Variants in PPM1L observed in about 807,000 individuals in gnomAD.
PPM1L encodes the protein protein phosphatase, Mg2+/Mn2+ dependent 1L.
PPM1L carries 13 observed loss-of-function variants against 31.4 expected under a neutral mutation model. The ratio of observed to expected loss-of-function variants is 0.41; its 90% CI spans 0.27 to 0.66. The LOEUF (loss-of-function observed/expected upper bound fraction) is 0.66. Among genes scored for constraint, PPM1L ranks in the 30% least tolerant of loss-of-function variants. The pLI is 0.29. For synonymous variants in PPM1L, 184 were observed against 175.4 expected (o/e 1.05, Z -0.39); for missense variants, 326 against 453.7 (o/e 0.72, Z 2.56).
intron 1 of PPM1L, among the ~76,000 whole-genome samples, chr3:160,870,077 G>C (rs972972553): frequency 6.6e-6 from 1 of 152,150 alleles, no homozygotes; most frequent in African/African-American, 2.4e-5. Flanking sequence ...GCCAGCACCT[G>C]CCACTTTCCC....
rs1215180484 is a variant in PPM1L at position 161,071,822 on chromosome 3, T to G, written c.*2665T>G. The G allele has an allele frequency of 6.6e-6, 1 of 152,238 alleles. No homozygotes were observed. Among genetic ancestry groups the G allele is most frequent in the Non-Finnish European group, 1.5e-5 (1 of 68,056 alleles). The allele number at this position is 152,238 out of a possible 1,614,324, so 9.4% of individuals were successfully genotyped here. A position where few individuals can be genotyped will look rare whatever the true frequency, so the allele number is the denominator to read the frequency against. ...CTGCTCCCCAGGGACCTGGGAATGCTGAATCTAGCCATTAGGGAAATTGAT... is the reference window on the plus strand; with the variant it reads ...CTGCTCCCCAGGGACCTGGGAATGCGGAATCTAGCCATTAGGGAAATTGAT... On this transcript the variant is annotated 3_prime_UTR_variant, in exon 4 of 4. Transcript: ENST00000498165.
chr3:160,961,783 G>A lies in PPM1L; in HGVS notation c.447G>A (p.Gln149=). Residue 149 remains glutamine (Q), a synonymous_variant, in exon 2 of 4, where the codon CAG becomes CAA. Transcript: ENST00000498165. ...VKSRLPEALK[Q]HLQDYEKDKE... is the part of the protein sequence containing the mutation. The stretch of plus-strand genomic sequence containing the variant: ...CTCGACTCCCAGAGGCCCTTAAACA[G>A]CATCTTCAGGACTACGAGAAAGACA... 6.2e-7 allele frequency: 1 copy of A among 1,601,930 alleles called. No individual in the cohort carries two copies. The highest frequency in any genetic ancestry group is 8.5e-7 in the Non-Finnish European group (1 of 1,175,144).
intron 1 of PPM1L, among the ~76,000 whole-genome samples, chr3:160,800,020 A>T (rs1266303315): frequency 6.6e-6 from 1 of 152,214 alleles, no homozygotes; most frequent in Non-Finnish European, 1.5e-5. Context: ...TAGTCAATAA[A>T]CATTTGTTAA....
intron 2 of PPM1L, among the ~76,000 whole-genome samples, chr3:161,063,988 G>C (rs1719651087): frequency 6.6e-6 from 1 of 152,036 alleles, no homozygotes; most frequent in African/African-American, 2.4e-5. Flanking sequence ...ATGGGCACAG[G>C]GAGGGGAACA....
At chr3:161,007,622 C>T (rs1717756072) in intron 2 of PPM1L, among the ~76,000 whole-genome samples, 1 of 152,202 alleles carries the variant, frequency 6.6e-6, no homozygotes, top group African/African-American at 2.4e-5. Context: ...CGTAAACTTT[C>T]TTAAAATATT....
At chr3:160,867,358 C>T (rs1333372082) in intron 1 of PPM1L, among the ~76,000 whole-genome samples, 2 of 115,002 alleles carry the variant, frequency 1.7e-5, no homozygotes, top group Middle Eastern at 5.8e-3. Context: ...TTAGAGAAAA[C>T]AGGCTTGTGA....
chr3:160,766,006 A>G (rs1326626964), intron 1 of PPM1L, among the ~76,000 whole-genome samples: 1 of 152,184 alleles, frequency 6.6e-6, no homozygotes, highest in Non-Finnish European at 1.5e-5. Flanking sequence ...AACTTAAGTC[A>G]AGCCAAGCTT....
At chr3:161,002,978 C>T (rs1576774678) in intron 2 of PPM1L, among the ~76,000 whole-genome samples, 1 of 150,858 alleles carries the variant, frequency 6.6e-6, no homozygotes, top group African/African-American at 2.4e-5. Context: ...TTAGGTCTAA[C>T]ATGTAAGTCT....
At chr3:160,881,103 C>T (rs1354736154) in intron 1 of PPM1L, among the ~76,000 whole-genome samples, 2 of 152,190 alleles carry the variant, frequency 1.3e-5, no homozygotes. Flanking sequence ...ATAAAACTCT[C>T]TAAGGTAATA....
Position 161,072,036 on chromosome 3 carries a change from C to T in PPM1L, c.*2879C>T, listed in dbSNP as rs1719937662. ...GGAATGGCCATGTGCTTCTGAGACC[C>T]CAGCACGATGCCAGGCCCAGGTCTC... is the stretch of plus-strand genomic sequence containing the variant. On this transcript the variant is annotated 3_prime_UTR_variant, in exon 4 of 4. Coordinates refer to ENST00000498165, the MANE Select transcript of PPM1L (RefSeq NM_139245.4). 1 of 152,186 alleles carries T rather than the reference C, an allele frequency of 6.6e-6. No homozygotes were observed. The highest frequency in any genetic ancestry group is 1.5e-5 in the Non-Finnish European group (1 of 68,028). The allele number at this position is 152,186 out of a possible 1,614,324, so 9.4% of individuals were successfully genotyped here.
At chr3:160,843,423 C>CTT (rs1401356167) in intron 1 of PPM1L, among the ~76,000 whole-genome samples, 8 of 28,544 alleles carry the variant, frequency 2.8e-4, no homozygotes, top group African/African-American at 7.7e-4. Flanking sequence ...TATGGCAATT[C>CTT]TTTTATATAT....
intron 2 of PPM1L, among the ~76,000 whole-genome samples, chr3:161,049,453 G>T (rs150773414): frequency 1.6e-4 from 24 of 152,258 alleles, no homozygotes; most frequent in Admixed American, 1.4e-3. Context: ...CTTAAATAAA[G>T]TTATATGCTG....
intron 1 of PPM1L, among the ~76,000 whole-genome samples, chr3:160,775,596 C>T (rs541778220): frequency 6.6e-6 from 1 of 152,234 alleles, no homozygotes; most frequent in African/African-American, 2.4e-5. Context: ...TGACAGGTAA[C>T]TCTATTTCTG....
At chr3:160,987,621 G>A (rs929768945) in intron 2 of PPM1L, among the ~76,000 whole-genome samples, 21 of 152,188 alleles carry the variant, frequency 1.4e-4, no homozygotes, top group Middle Eastern at 3.4e-3. Flanking sequence ...TCAAATTTTC[G>A]GAAACATGAC....
chr3:160,842,190 G>C, intron 1 of PPM1L: 1 of 693,270 alleles, frequency 1.4e-6, no homozygotes, highest in Non-Finnish European at 2.6e-6. Flanking sequence ...GCAGGAGCTG[G>C]AACTTGGAGA....
intron 1 of PPM1L, among the ~76,000 whole-genome samples, chr3:160,828,516 G>A (rs1353284639): frequency 6.6e-6 from 1 of 152,268 alleles, no homozygotes; most frequent in East Asian, 1.9e-4. Context: ...GTAAAACAGA[G>A]AGATAGACAA....
intron 2 of PPM1L, among the ~76,000 whole-genome samples, chr3:161,048,410 C>T (rs867941795): frequency 2.0e-5 from 3 of 152,132 alleles, no homozygotes; most frequent in South Asian, 2.1e-4. Context: ...GAATGGCAAT[C>T]ATTAAAAAGT....
chr3:160,805,558 C>T (rs1197958263), intron 1 of PPM1L, among the ~76,000 whole-genome samples: 1 of 151,994 alleles, frequency 6.6e-6, no homozygotes, highest in African/African-American at 2.4e-5. Context: ...CCTGTCTCTG[C>T]TAAAAATACA....
chr3:161,013,440 C>T (rs923991928), intron 2 of PPM1L, among the ~76,000 whole-genome samples: 1 of 152,130 alleles, frequency 6.6e-6, no homozygotes, highest in African/African-American at 2.4e-5. Flanking sequence ...TGCTTTACTT[C>T]CAACTATGTG....
Sources: gnomAD v4.1 joint callset for allele counts (sites outside exome capture counted in the v4.1 genomes callset) on GRCh38, gnomAD v4.1.1 for gene constraint, MANE v1.5 for transcripts, NCBI Gene and HGNC (gene_info 2026-07-23, HGNC 2026-07-21) for gene names.